OSBPL10: variants seen among roughly 807,000 people sequenced by gnomAD.
The protein encoded by OSBPL10 is oxysterol binding protein like 10, also known as oxysterol-binding protein-related protein 10.
Under a neutral mutation model 81.7 loss-of-function variants are expected in OSBPL10, and 49 were observed. That is an observed-to-expected ratio of 0.60 (90% confidence interval 0.48 to 0.76). The LOEUF (loss-of-function observed/expected upper bound fraction) is 0.76. OSBPL10 is among the 30% of genes least tolerant of loss of function. The pLI is 0.00. For missense variants in OSBPL10, 923 were observed against 987.8 expected, an observed-to-expected ratio of 0.93 and a Z score of 0.88; for synonymous variants, 419 against 383.6, an observed-to-expected ratio of 1.09 and a Z score of -1.08.
rs372263707 is a variant in OSBPL10 at position 31,684,792 on chromosome 3, G to C, written c.1246-678C>G. 2.2e-4 allele frequency among the ~76,000 whole-genome samples: 34 copies of C among 152,364 alleles called. 1 individual carries two copies. The South Asian group carries it at 6.2e-3, about 28-fold the overall frequency. Reference sequence around the variant, plus strand: ...ATGGTGATTCCATCTGTGGAGGTCGGTCCTCAAGGCTGGTCCAGGAGAAAC... The same window carrying C: ...ATGGTGATTCCATCTGTGGAGGTCGCTCCTCAAGGCTGGTCCAGGAGAAAC... On this transcript the variant is annotated intron_variant, in intron 7 of 11. Transcript: ENST00000396556.
At chr3:31,812,764 A>ACTTCTCCAATAAC (rs1699726967) in intron 4 of OSBPL10, among the ~76,000 whole-genome samples, 1 of 56,194 alleles carries the variant, frequency 1.8e-5, no homozygotes, top group African/African-American at 8.3e-5. Context: ...GAAAGAAAGA[A>ACTTCTCCAATAAC]AGAAAGAAAG....
At position 31,981,246 on chromosome 3, in the gene OSBPL10, C is replaced by T; in HGVS notation, c.-67G>A. On this transcript the variant is annotated 5_prime_UTR_variant, in exon 1 of 12. Coordinates refer to ENST00000396556, the MANE Select transcript of OSBPL10 (RefSeq NM_017784.5). This position sits in a 1 kb window ranked among gnomAD's most constrained non-coding sequence, Gnocchi z 4.5. The stretch of plus-strand genomic sequence containing the variant: ...GGCCCCGGCACGGCGGCTGCTGCTG[C>T]TGCTACAGCTCCGGACGCCCGGGCC... The T allele has an allele frequency of 7.5e-7, 1 of 1,328,960 alleles. No individual in the cohort carries two copies. The highest frequency in any genetic ancestry group is 9.5e-7 in the Non-Finnish European group (1 of 1,048,312). 82.3% of individuals were successfully genotyped at this position (1,328,960 alleles called of 1,614,324 possible). A position where few individuals can be genotyped will look rare whatever the true frequency, so the allele number is the denominator to read the frequency against.
rs1575458770 is a variant in OSBPL10 at position 31,661,096 on chromosome 3, T to G, written c.*976A>C. On this transcript the variant is annotated 3_prime_UTR_variant, in exon 12 of 12. Coordinates refer to ENST00000396556, the MANE Select transcript of OSBPL10 (RefSeq NM_017784.5). ...AATTTAACTGAAACCATGGAATATT[T>G]ATGCAGGCGTTATGTATGTTTTAGT... 1 of 152,792 alleles carries G rather than the reference T, an allele frequency of 6.5e-6. No individual in the cohort carries two copies. Among genetic ancestry groups the G allele is most frequent in the Non-Finnish European group, 1.5e-5 (1 of 68,044 alleles). The allele number at this position is 152,792 out of a possible 1,614,324, so 9.5% of individuals were successfully genotyped here.
In OSBPL10 at chr3:31,849,940, G is replaced by A. The variant is rs547559931; in HGVS notation, c.538-19709C>T. Among the ~76,000 whole-genome samples the A allele has an allele frequency of 1.1e-4, 16 of 152,214 alleles. No individual in the cohort carries two copies. In the South Asian group the frequency reaches 2.3e-3, roughly 22 times the overall value. ...AGCACTTTGGGAGACCGAAGTAAGC[G>A]GATCACCTGAGGTTGGGAGTTGGAC... On this transcript the variant is annotated intron_variant, in intron 3 of 11. Transcript: ENST00000396556.
chr3:31,899,380 A>T (rs1452992915), intron 1 of OSBPL10, among the ~76,000 whole-genome samples: 2 of 151,524 alleles, frequency 1.3e-5, no homozygotes, highest in Non-Finnish European at 2.9e-5. Context: ...TATATCCTCC[A>T]AAAATACAAG....
rs774923034 is a variant in OSBPL10, at chr3:31,664,242, C to T, written c.2097-10G>A. Reference sequence around the variant, plus strand: ...CTCCCGCCAGAGGTTCCTGGGGATGCGTGGAGGAGAGGAAACAATCAGCCA... The same window carrying T: ...CTCCCGCCAGAGGTTCCTGGGGATGTGTGGAGGAGAGGAAACAATCAGCCA... On this transcript the variant is annotated splice_polypyrimidine_tract_variant and intron_variant, in intron 10 of 11. Transcript: ENST00000396556. 11 of 1,611,260 alleles carry T rather than the reference C, an allele frequency of 6.8e-6. No individual in the cohort carries two copies. Among genetic ancestry groups the T allele is most frequent in the Admixed American group, 1.7e-5 (1 of 59,992 alleles).
intron 6 of OSBPL10, among the ~76,000 whole-genome samples, chr3:31,708,270 C>T (rs1447424375): frequency 2.6e-5 from 4 of 152,164 alleles, no homozygotes; most frequent in Admixed American, 2.6e-4. Context: ...TTAGTGTTTG[C>T]AGTACAGAAT....
At chr3:31,719,576 G>A (rs1696569886) in intron 6 of OSBPL10, among the ~76,000 whole-genome samples, 1 of 152,122 alleles carries the variant, frequency 6.6e-6, no homozygotes, top group Non-Finnish European at 1.5e-5. Context: ...ATTTCTTAAT[G>A]GTGACAGACA....
chr3:31,733,152 T>C, intron 6 of OSBPL10, 105 bp downstream of exon 6: 1 of 1,473,522 alleles, frequency 6.8e-7, no homozygotes, highest in Non-Finnish European at 9.2e-7. Context: ...TTTTAATTTG[T>C]CTCCTCTTAA....
In OSBPL10 at chr3:31,980,986, G is replaced by T. The variant is rs754488007; in HGVS notation, c.194C>A (p.Pro65Gln). The T allele has an allele frequency of 4.5e-6, 7 of 1,543,770 alleles. No homozygotes were observed. Among genetic ancestry groups the T allele is most frequent in the Non-Finnish European group, 6.1e-6 (7 of 1,150,854 alleles). Residue 65 changes from proline to glutamine, a missense_variant, in exon 1 of 12, where the codon CCG (proline) becomes CAG (glutamine). Transcript: ENST00000396556. ...CCTCCTGCGGCCGCCTCCCCCGGAC[G>T]GGCTAGCGGCCACAGAGCCCGGGCT... The part of the protein sequence containing the change: ...RSSPGSVAAS[P>Q]SGGGGRRREP...
At chr3:31,998,445 C>T (rs1699112181) in intron 2 of OSBPL10, among the ~76,000 whole-genome samples, 1 of 152,076 alleles carries the variant, frequency 6.6e-6, no homozygotes, top group South Asian at 2.1e-4. Flanking sequence ...GATGGTTGTC[C>T]CCCAGCATCA....
chr3:32,061,580 TA>T lies in OSBPL10; in HGVS notation n.186-14978del, dbSNP rs1699754286. 4.3e-5 allele frequency among the ~76,000 whole-genome samples: 4 copies of T among 93,132 alleles called. 2 individuals carry two copies. Among genetic ancestry groups the T allele is most frequent in the Non-Finnish European group, 1.1e-4 (4 of 34,806 alleles). The allele number at this position is 93,132 out of a possible 152,430, so 61.1% of individuals were successfully genotyped here. ...GGGTCTAGCAACTTCTTTTTTATTTTATTTTTTATTTTTTTGAGAAAAAAGA... is the reference window on the plus strand; with the variant it reads ...GGGTCTAGCAACTTCTTTTTTATTTTTTTTTTATTTTTTTGAGAAAAAAGA... On this transcript the variant is annotated intron_variant and non_coding_transcript_variant, in intron 1 of 3. Coordinates refer to the OSBPL10 transcript ENST00000479173.
intron 1 of OSBPL10, chr3:31,969,396 C>T (rs1698489901): frequency 6.6e-6 from 1 of 152,334 alleles, no homozygotes; most frequent in African/African-American, 2.4e-5. Context: ...GAAAGCTCTA[C>T]ACTTACAGCT....
At chr3:31,809,998 A>C (rs1575559340) in intron 4 of OSBPL10, among the ~76,000 whole-genome samples, 1 of 150,680 alleles carries the variant, frequency 6.6e-6, no homozygotes, top group Middle Eastern at 3.6e-3. Flanking sequence ...CAGTCTCCCG[A>C]GTAGCTGGGA....
intron 3 of OSBPL10, among the ~76,000 whole-genome samples, chr3:31,839,984 G>A (rs1332854202): frequency 6.7e-6 from 1 of 149,708 alleles, no homozygotes; most frequent in African/African-American, 2.4e-5. Context: ...ACATGGAATG[G>A]ATCATTTCAA....
intron 8 of OSBPL10, among the ~76,000 whole-genome samples, chr3:31,678,961 T>C (rs1700566904): frequency 6.6e-6 from 1 of 152,068 alleles, no homozygotes. Flanking sequence ...ATGTCTACCC[T>C]CAGCGACTCC....
chr3:31,719,698 T>A (rs922597531), intron 6 of OSBPL10, among the ~76,000 whole-genome samples: 2 of 152,098 alleles, frequency 1.3e-5, no homozygotes, highest in Non-Finnish European at 2.9e-5. Flanking sequence ...TTAACTGAAT[T>A]TCCCTTAAAT....
At chr3:31,802,570 A>AG (rs1553627465) in intron 4 of OSBPL10, among the ~76,000 whole-genome samples, 1 of 150,068 alleles carries the variant, frequency 6.7e-6, no homozygotes, top group Non-Finnish European at 1.5e-5. Flanking sequence ...AAAAAAAAAA[A>AG]AGAGAATTCT....
intron 1 of OSBPL10, among the ~76,000 whole-genome samples, chr3:31,909,523 A>G (rs1483744216): frequency 6.6e-6 from 1 of 152,080 alleles, no homozygotes; most frequent in Non-Finnish European, 1.5e-5. Flanking sequence ...AAAGAAAGAA[A>G]GGGGGAGAGA....
Sources: allele counts gnomAD v4.1 joint callset (sites outside exome capture counted in the v4.1 genomes callset), GRCh38; gene constraint gnomAD v4.1.1; non-coding constraint Gnocchi (gnomAD v3.1); transcripts MANE v1.5; gene names NCBI Gene and HGNC (gene_info 2026-07-23, HGNC 2026-07-21).